Variants in ISCA1 observed in about 807,000 individuals in gnomAD.
ISCA1 encodes the protein iron-sulfur cluster assembly 1, also known as iron-sulfur cluster assembly 1 homolog, mitochondrial.
Under a neutral mutation model 14.7 loss-of-function variants are expected in ISCA1, and 9 were observed. The observed-to-expected ratio is 0.61, with a 90% CI of 0.37 to 1.07. ISCA1 has a LOEUF of 1.07. Ranked by LOEUF, ISCA1 falls within the 50% of genes least tolerant of loss-of-function variation. The pLI is 0.01. For missense variants in ISCA1, 102 were observed against 150.1 expected (o/e 0.68, Z 1.67); for synonymous variants, 38 against 54.3 (o/e 0.70, Z 1.32).
chr9:86,271,976 T>C (rs768571714), intron 3 of ISCA1, 31 bp downstream of exon 3: 2 of 1,284,400 alleles, frequency 1.6e-6, no homozygotes, highest in Non-Finnish European at 2.3e-6. Context: ...GGCAAAACAA[T>C]GTGCCCAAAA....
At chr9:86,274,676 TA>T (rs1312847368) in intron 1 of ISCA1, among the ~76,000 whole-genome samples, 1 of 152,166 alleles carries the variant, frequency 6.6e-6, no homozygotes, top group African/African-American at 2.4e-5. Flanking sequence ...TTATTAATCC[TA>T]CTGCTTTTTT....
At chr9:86,282,346 C>A in intron 1 of ISCA1, 32 bp downstream of exon 1, 1 of 1,535,290 alleles carries the variant, frequency 6.5e-7, no homozygotes, top group Non-Finnish European at 8.8e-7. Context: ...CGAGCAATGT[C>A]ACGGGCCCCG....
At chr9:86,273,140 A>C (rs1825393562) in intron 2 of ISCA1, among the ~76,000 whole-genome samples, 1 of 152,200 alleles carries the variant, frequency 6.6e-6, no homozygotes, top group Admixed American at 6.5e-5. Context: ...AAATTTAATA[A>C]TTTTAAAAGG....
intron 1 of ISCA1, among the ~76,000 whole-genome samples, 160 bp from the exon 2 acceptor site, chr9:86,274,402 T>C (rs1233087560): frequency 6.6e-6 from 1 of 152,182 alleles, no homozygotes; most frequent in Non-Finnish European, 1.5e-5. Context: ...ACATAAACTA[T>C]ACCTAATTCA....
chr9:86,272,189 G>T lies in ISCA1; in HGVS notation c.136-77C>A, dbSNP rs1587819147. ...CAATTATACTAATAAAGTGACAGTA[G>T]CCTCCTCGTACCAAAATGGACTTTC... On this transcript the variant is annotated intron_variant, in intron 2 of 3. Coordinates refer to ENST00000375991, the MANE Select transcript of ISCA1 (RefSeq NM_030940.4). The T allele has an allele frequency of 5.7e-6, 5 of 876,830 alleles. No individual in the cohort carries two copies. The East Asian group carries it at 9.8e-5, about 17-fold the overall frequency. The allele number at this position is 876,830 out of a possible 1,614,324, so 54.3% of individuals were successfully genotyped here.
intron 1 of ISCA1, among the ~76,000 whole-genome samples, chr9:86,276,688 T>G (rs981780913): frequency 6.6e-6 from 1 of 151,780 alleles, no homozygotes; most frequent in African/African-American, 2.4e-5. Context: ...CTGGCCAACA[T>G]GGTGAAACCC....
chr9:86,267,051 C>A (rs1029163575), intron 3 of ISCA1: 3 of 152,196 alleles, frequency 2.0e-5, no homozygotes, highest in Admixed American at 1.3e-4. Flanking sequence ...AGGGCAAAAC[C>A]CTGGCTCCAC....
intron 1 of ISCA1, among the ~76,000 whole-genome samples, chr9:86,281,412 C>T (rs768111): frequency 0.31 from 46,440 of 151,586 alleles, 8,315 homozygotes; most frequent in East Asian, 0.49. Context: ...CGTTTTTTTT[C>T]CCAGTCTCTA....
At position 86,265,727 on chromosome 9, in the gene ISCA1, C is replaced by G; in HGVS notation, c.*316G>C. ...GGAGAAATGCTGAGGGATGATCAAG[C>G]CATCAATAGCGATCTAAGGAGTGCA... On this transcript the variant is annotated 3_prime_UTR_variant, in exon 4 of 4. Transcript: ENST00000375991. 2.9e-6 allele frequency: 1 copy of G among 343,286 alleles called. No homozygotes were observed. The highest frequency in any genetic ancestry group is 3.4e-5 in the South Asian group (1 of 29,608). The allele number at this position is 343,286 out of a possible 1,614,324, so 21.3% of individuals were successfully genotyped here. A position where few individuals can be genotyped will look rare whatever the true frequency, so the allele number is the denominator to read the frequency against.
At chr9:86,281,403 G>T (rs558588459) in intron 1 of ISCA1, among the ~76,000 whole-genome samples, 1 of 152,004 alleles carries the variant, frequency 6.6e-6, no homozygotes, top group South Asian at 2.1e-4. Context: ...AATTTAAATC[G>T]TTTTTTTTCC....
At chr9:86,270,404 C>CT (rs1381115213) in intron 3 of ISCA1, among the ~76,000 whole-genome samples, 2 of 151,198 alleles carry the variant, frequency 1.3e-5, no homozygotes, top group Non-Finnish European at 3.0e-5. Flanking sequence ...TACCATCTCA[C>CT]ACCAGTTAGA....
chr9:86,282,074 A>C, intron 1 of ISCA1: 1 of 423,224 alleles, frequency 2.4e-6, no homozygotes, highest in East Asian at 4.4e-5. Flanking sequence ...AGGAGTGTGG[A>C]GGCGATCGGC....
At chr9:86,270,981 T>C (rs1825361924) in intron 3 of ISCA1, among the ~76,000 whole-genome samples, 1 of 145,414 alleles carries the variant, frequency 6.9e-6, no homozygotes, top group South Asian at 2.3e-4. Context: ...TTAGGAGATA[T>C]ACCTAATGCT....
Position 86,276,870 on chromosome 9 carries a change from CAAAAAAA to C in ISCA1, c.82-2635_82-2629del, listed in dbSNP as rs35460722. 4.5e-3 allele frequency among the ~76,000 whole-genome samples: 181 copies of C among 39,910 alleles called. 1 individual carries two copies. Among genetic ancestry groups the C allele is most frequent in the Admixed American group, 0.011 (25 of 2,260 alleles). The allele number at this position is 39,910 out of a possible 152,430, so 26.2% of individuals were successfully genotyped here. A position where few individuals can be genotyped will look rare whatever the true frequency, so the allele number is the denominator to read the frequency against. ...TGGGAAACAGAGTGAGACTCTGTCT[CAAAAAAA>C]AAAAAAAAAAAAAAAAAAAGGCATA... On this transcript the variant is annotated intron_variant, in intron 1 of 3. Coordinates refer to ENST00000375991, the MANE Select transcript of ISCA1 (RefSeq NM_030940.4).
chr9:86,278,902 A>T (rs1193163161), intron 1 of ISCA1, among the ~76,000 whole-genome samples: 3 of 152,210 alleles, frequency 2.0e-5, no homozygotes, highest in Non-Finnish European at 4.4e-5. Flanking sequence ...AAGAATGAAG[A>T]TTTATAACGC....
intron 3 of ISCA1, among the ~76,000 whole-genome samples, chr9:86,268,856 A>C (rs1022273182): frequency 1.3e-5 from 2 of 151,964 alleles, no homozygotes; most frequent in African/African-American, 2.4e-5. Context: ...GTGCAATGGC[A>C]TGGTCTCGGC....
At chr9:86,280,945 A>AAAAC (rs200573290) in intron 1 of ISCA1, among the ~76,000 whole-genome samples, 83 of 145,826 alleles carry the variant, frequency 5.7e-4, no homozygotes, top group African/African-American at 1.8e-3. Context: ...AAAACAAACA[A>AAAAC]AAACAAACAA....
At chr9:86,275,407 G>A (rs1825428684) in intron 1 of ISCA1, among the ~76,000 whole-genome samples, 2 of 152,224 alleles carry the variant, frequency 1.3e-5, no homozygotes, top group South Asian at 4.1e-4. Context: ...GTAAACTGAG[G>A]CCAGGACTGA....
At chr9:86,266,415 A>G (rs1055365271) in intron 3 of ISCA1, among the ~76,000 whole-genome samples, 1 of 152,250 alleles carries the variant, frequency 6.6e-6, no homozygotes, top group African/African-American at 2.4e-5. Flanking sequence ...AGAATTTTAT[A>G]CAAGTAAATT....
Sources: allele counts gnomAD v4.1 joint callset (sites outside exome capture counted in the v4.1 genomes callset), GRCh38; gene constraint gnomAD v4.1.1; transcripts MANE v1.5; gene names NCBI Gene and HGNC (gene_info 2026-07-23, HGNC 2026-07-21).